The following BLNK variants were observed in gnomAD, a reference collection of about 807,000 sequenced individuals.
The protein encoded by BLNK is B cell linker, also known as B-cell linker protein.
Under a neutral mutation model 73.5 loss-of-function variants are expected in BLNK, and 29 were observed. That is an observed-to-expected ratio of 0.39 (90% CI 0.29 to 0.54). The LOEUF is 0.54. Among genes scored for constraint, BLNK ranks in the 20% least tolerant of loss-of-function variants. BLNK has a pLI of 0.61. For synonymous variants in BLNK, 176 were observed against 200.8 expected (o/e 0.88, Z 1.04); for missense variants, 460 against 562.8 (o/e 0.82, Z 1.85).
chr10:96,196,995 G>T lies in BLNK; in HGVS notation c.1164C>A (p.Phe388Leu), dbSNP rs1554894851. 6.2e-7 allele frequency: 1 copy of T among 1,612,658 alleles called. No homozygotes were observed. Among genetic ancestry groups the T allele is most frequent in the East Asian group, 2.2e-5 (1 of 44,732 alleles). Residue 388 changes from phenylalanine to leucine, a missense_variant, in exon 16 of 17, where the codon TTC becomes TTA. By Grantham distance (22) the Phe-to-Leu change is conservative. Around this residue, in one of 3 missense-constraint regions of BLNK, gnomAD observed 88 missense variants for 143.4 expected, o/e 0.61. Coordinates refer to ENST00000224337, the MANE Select transcript of BLNK (RefSeq NM_013314.4). ...GAATATTATATACTCGCTTATTAAA[G>T]AATACAACTAGTGTATATGGTTGTT... Reference protein sequence around the residue: ...DSKQPYTLVVFFNKRVYNIPV... With the variant: ...DSKQPYTLVVLFNKRVYNIPV...
intron 1 of BLNK, among the ~76,000 whole-genome samples, chr10:96,265,508 T>C (rs1199177708): frequency 6.6e-6 from 1 of 152,170 alleles, no homozygotes; most frequent in East Asian, 1.9e-4. Flanking sequence ...AGCTCAATGG[T>C]GCATATAGTT....
chr10:96,209,935 C>A, intron 8 of BLNK, 28 bp from the exon 9 acceptor site: 1 of 1,613,792 alleles, frequency 6.2e-7, no homozygotes. Flanking sequence ...CTACTCAGTC[C>A]CCAAGTCCTG....
chr10:96,239,431 G>A (rs1474959353), intron 3 of BLNK, among the ~76,000 whole-genome samples: 1 of 152,220 alleles, frequency 6.6e-6, no homozygotes, highest in African/African-American at 2.4e-5. Flanking sequence ...GACCTTGTAT[G>A]TGGGCTCAGT....
chr10:96,218,952 T>C (rs1424798384), intron 6 of BLNK, among the ~76,000 whole-genome samples: 1 of 152,234 alleles, frequency 6.6e-6, no homozygotes, highest in Non-Finnish European at 1.5e-5. Flanking sequence ...TTTGGAATCA[T>C]ACAGACCTGG....
intron 8 of BLNK, among the ~76,000 whole-genome samples, 173 bp downstream of exon 8, chr10:96,215,148 G>A (rs2084034743): frequency 6.6e-6 from 1 of 152,172 alleles, no homozygotes; most frequent in African/African-American, 2.4e-5. Flanking sequence ...AAAAGGCCTG[G>A]GGAAATGGCC....
intron 1 of BLNK, among the ~76,000 whole-genome samples, chr10:96,263,685 G>A (rs1843863111): frequency 6.6e-6 from 1 of 152,160 alleles, no homozygotes; most frequent in Non-Finnish European, 1.5e-5. Context: ...CTTGTGGGGA[G>A]GGCTCTTTTC....
chr10:96,240,283 G>C (rs1161257667), intron 3 of BLNK, among the ~76,000 whole-genome samples: 2 of 152,224 alleles, frequency 1.3e-5, no homozygotes, highest in African/African-American at 2.4e-5. Context: ...TGAAACACGT[G>C]TTGAATGAAT....
At chr10:96,241,429 C>T (rs1036093996) in intron 3 of BLNK, among the ~76,000 whole-genome samples, 7 of 152,162 alleles carry the variant, frequency 4.6e-5, no homozygotes, top group African/African-American at 1.2e-4. Context: ...CTCACCACTG[C>T]CAGAAACACT....
chr10:96,193,673 T>A (rs2083385236), intron 16 of BLNK, among the ~76,000 whole-genome samples: 1 of 152,242 alleles, frequency 6.6e-6, no homozygotes, highest in South Asian at 2.1e-4. Context: ...TTCAGTGTAT[T>A]TGTGGACAGA....
chr10:96,236,649 T>C (rs373655296), intron 3 of BLNK, among the ~76,000 whole-genome samples: 2 of 151,836 alleles, frequency 1.3e-5, no homozygotes, highest in Admixed American at 1.3e-4. Flanking sequence ...TAGTGAGACA[T>C]TGTCTCTACA....
At chr10:96,244,375 T>C (rs1200834839) in intron 2 of BLNK, among the ~76,000 whole-genome samples, 2 of 152,230 alleles carry the variant, frequency 1.3e-5, no homozygotes, top group Non-Finnish European at 2.9e-5. Context: ...GGTATTTTAC[T>C]ACCCCCAAAT....
At chr10:96,214,266 G>T (rs2084012643) in intron 8 of BLNK, among the ~76,000 whole-genome samples, 1 of 152,178 alleles carries the variant, frequency 6.6e-6, no homozygotes, top group Non-Finnish European at 1.5e-5. Flanking sequence ...TGTTAATGGG[G>T]GTCATGGGCA....
In BLNK at chr10:96,189,772, C is replaced by A; in HGVS notation, c.*2201G>T. The stretch of plus-strand genomic sequence containing the variant: ...AAGTTTTACTTTTATTCTCTGGAAT[C>A]TTGCTACCACCTCCAGGGACAGATC... On this transcript the variant is annotated 3_prime_UTR_variant, in exon 17 of 17. Coordinates refer to ENST00000224337, the MANE Select transcript of BLNK (RefSeq NM_013314.4). 1.2e-6 allele frequency: 1 copy of A among 817,760 alleles called. No homozygotes were observed. Among genetic ancestry groups the A allele is most frequent in the Non-Finnish European group, 2.1e-6 (1 of 473,794 alleles). The allele number at this position is 817,760 out of a possible 1,614,324, so 50.7% of individuals were successfully genotyped here.
chr10:96,268,691 A>G (rs1489443934), intron 1 of BLNK, among the ~76,000 whole-genome samples: 3 of 152,078 alleles, frequency 2.0e-5, no homozygotes, highest in Non-Finnish European at 4.4e-5. Flanking sequence ...CCAATCCTGC[A>G]TGCCCTCCTT....
Position 96,189,702 on chromosome 10 carries a change from A to ATCATCC in BLNK, c.*2270_*2271insGGATGA. ...CTTCAGTTTCCTCATCATCAAAATCATCATCATCATCATCATCATCATCAT... is the reference window on the plus strand; with the variant it reads ...CTTCAGTTTCCTCATCATCAAAATCATCATCCTCATCATCATCATCATCATCATCAT... On this transcript the variant is annotated 3_prime_UTR_variant, in exon 17 of 17. Transcript: ENST00000224337. 1.4e-6 allele frequency: 1 copy of ATCATCC among 695,338 alleles called. No homozygotes were observed. The highest frequency in any genetic ancestry group is 2.6e-5 in the East Asian group (1 of 38,080). The allele number at this position is 695,338 out of a possible 1,614,324, so 43.1% of individuals were successfully genotyped here.
chr10:96,199,017 A>G (rs1554895381), intron 15 of BLNK, among the ~76,000 whole-genome samples: 1 of 152,198 alleles, frequency 6.6e-6, no homozygotes, highest in African/African-American at 2.4e-5. Flanking sequence ...AGTTTTGAAT[A>G]TAAAGGAACT....
chr10:96,257,924 A>G (rs1252095226), intron 1 of BLNK, among the ~76,000 whole-genome samples: 1 of 152,244 alleles, frequency 6.6e-6, no homozygotes, highest in Admixed American at 6.5e-5. Flanking sequence ...TGATTCACAC[A>G]AAACATCCTC....
At chr10:96,271,284 AG>A (rs1554915633) in intron 1 of BLNK, 67 bp downstream of exon 1, 9 of 1,530,104 alleles carry the variant, frequency 5.9e-6, no homozygotes, top group Non-Finnish European at 7.2e-6. Context: ...AGTATTTCTG[AG>A]ATGCCATAAG....
At chr10:96,260,884 C>T (rs548685663) in intron 1 of BLNK, among the ~76,000 whole-genome samples, 3 of 151,818 alleles carry the variant, frequency 2.0e-5, no homozygotes, top group African/African-American at 7.2e-5. Flanking sequence ...CACTCTGTCA[C>T]CCAGGCTGGG....
Sources: gnomAD v4.1 joint callset for allele counts (sites outside exome capture counted in the v4.1 genomes callset) on GRCh38, gnomAD v4.1.1 for gene constraint, gnomAD v4.1.1 regional missense constraint, MANE v1.5 for transcripts, NCBI Gene and HGNC (gene_info 2026-07-23, HGNC 2026-07-21) for gene names.